The following CD96 variants were observed in gnomAD, a reference collection of about 807,000 sequenced individuals.
CD96 encodes the protein CD96 molecule, also known as T-cell surface protein tactile.
A neutral mutation model predicts 71.3 loss-of-function variants in CD96; 70 were observed. The ratio of observed to expected loss-of-function variants is 0.98; its 90% CI spans 0.81 to 1.20. CD96 has a LOEUF of 1.20. Ranked by LOEUF, CD96 falls within the 50% of genes most tolerant of loss-of-function variation. The pLI, the probability that CD96 is intolerant of heterozygous loss-of-function variation, is 0.00. For missense variants in CD96, 742 were observed against 677.5 expected, an observed-to-expected ratio of 1.10 and a Z score of -1.06; for synonymous variants, 248 against 233.0, an observed-to-expected ratio of 1.06 and a Z score of -0.59.
chr3:111,621,519 TA>T (rs1269248751), intron 8 of CD96, among the ~76,000 whole-genome samples: 27 of 152,220 alleles, frequency 1.8e-4, no homozygotes, highest in African/African-American at 6.3e-4. Flanking sequence ...GAAGTAACTT[TA>T]AAAATACATA....
intron 3 of CD96, among the ~76,000 whole-genome samples, chr3:111,573,561 G>A (rs1175219316): frequency 6.6e-6 from 1 of 151,958 alleles, no homozygotes; most frequent in Non-Finnish European, 1.5e-5. Context: ...TAGTGCAGAC[G>A]GGAAAATGCA....
At chr3:111,542,357 C>A (rs138858332) in intron 1 of CD96, 48 bp downstream of exon 1, 2 of 1,335,302 alleles carry the variant, frequency 1.5e-6, no homozygotes, top group South Asian at 2.3e-5. Flanking sequence ...GCTTTAGGGG[C>A]GGATGGGGCC....
intron 2 of CD96, among the ~76,000 whole-genome samples, chr3:111,553,328 A>T (rs929615825): frequency 1.2e-4 from 18 of 151,886 alleles, no homozygotes; most frequent in African/African-American, 3.4e-4. Flanking sequence ...TTTTGCTCTT[A>T]TAGTCCCATA....
chr3:111,566,171 T>G (rs1576326314), intron 2 of CD96, among the ~76,000 whole-genome samples: 1 of 151,546 alleles, frequency 6.6e-6, no homozygotes, highest in Non-Finnish European at 1.5e-5. Flanking sequence ...TTATACCGTT[T>G]TATAACATAT....
chr3:111,635,190 A>G (rs890877964), intron 10 of CD96: 4 of 153,034 alleles, frequency 2.6e-5, no homozygotes, highest in Non-Finnish European at 4.4e-5. Flanking sequence ...ATTTTTTATA[A>G]TATCTTTCTG....
chr3:111,602,446 A>T (rs1012768329), intron 7 of CD96, among the ~76,000 whole-genome samples: 2 of 152,172 alleles, frequency 1.3e-5, no homozygotes, highest in African/African-American at 4.8e-5. Context: ...CAGGTGGTTA[A>T]TTTTAAATTG....
intron 11 of CD96, among the ~76,000 whole-genome samples, chr3:111,637,626 G>A (rs1489334580): frequency 3.3e-5 from 5 of 152,016 alleles, no homozygotes; most frequent in African/African-American, 9.7e-5. Flanking sequence ...AAACACATCG[G>A]TGTGGAGAGA....
At chr3:111,578,727 C>T (rs1006618558) in intron 3 of CD96, among the ~76,000 whole-genome samples, 15 of 152,130 alleles carry the variant, frequency 9.9e-5, no homozygotes, top group Non-Finnish European at 2.1e-4. Context: ...TGCCATTAGT[C>T]CTGCCCATTC....
chr3:111,574,844 A>G (rs1305912315), intron 3 of CD96, among the ~76,000 whole-genome samples: 2 of 151,654 alleles, frequency 1.3e-5, no homozygotes, highest in Non-Finnish European at 1.5e-5. Context: ...GTGCAGTGAC[A>G]TAATCTTGGC....
At chr3:111,562,497 T>C (rs192370776) in intron 2 of CD96, among the ~76,000 whole-genome samples, 4 of 152,104 alleles carry the variant, frequency 2.6e-5, no homozygotes, top group Admixed American at 6.5e-5. Context: ...TTAAATTGAA[T>C]GTCTCCTTTG....
intron 14 of CD96, among the ~76,000 whole-genome samples, chr3:111,657,640 TTGGG>T (rs1940265384): frequency 6.6e-6 from 1 of 152,142 alleles, no homozygotes; most frequent in South Asian, 2.1e-4. Context: ...TGTGTTGTCA[TTGGG>T]TGCCCAGGTT....
chr3:111,650,142 A>G lies in CD96; in HGVS notation c.*336A>G. On this transcript the variant is annotated 3_prime_UTR_variant, in exon 14 of 14. Coordinates refer to ENST00000352690, the MANE Select transcript of CD96 (RefSeq NM_005816.5). The stretch of plus-strand genomic sequence containing the variant: ...TGATGGAGGGACAACAATGGTTTCA[A>G]CTGTATGCCCATGCCTGATCCTCTT... 1 of 338,506 alleles carries G rather than the reference A, an allele frequency of 3.0e-6. No homozygotes were observed. Among genetic ancestry groups the G allele is most frequent in the Non-Finnish European group, 5.8e-6 (1 of 173,186 alleles). The allele number at this position is 338,506 out of a possible 1,614,324, so 21.0% of individuals were successfully genotyped here.
At chr3:111,640,398 C>G (rs546218465) in intron 12 of CD96, among the ~76,000 whole-genome samples, 27 of 151,976 alleles carry the variant, frequency 1.8e-4, no homozygotes, top group Non-Finnish European at 3.5e-4. Context: ...ATTCAGAGCT[C>G]AAAAGCAAGA....
intron 4 of CD96, chr3:111,579,520 T>C (rs1227315326): frequency 2.0e-5 from 9 of 452,876 alleles, no homozygotes; most frequent in Non-Finnish European, 8.2e-6. Context: ...GAGTAATTTG[T>C]AAAGAAAAGG....
chr3:111,599,144 A>G (rs111347832), intron 6 of CD96, among the ~76,000 whole-genome samples: 48 of 151,392 alleles, frequency 3.2e-4, no homozygotes, highest in African/African-American at 1.0e-3. Flanking sequence ...AATTTTTTGT[A>G]TTTTTAGATG....
intron 8 of CD96, among the ~76,000 whole-genome samples, chr3:111,607,390 C>A (rs888685405): frequency 3.9e-5 from 6 of 152,118 alleles, no homozygotes; most frequent in Admixed American, 2.6e-4. Context: ...CCATCTGAGG[C>A]ATCATTAATA....
chr3:111,562,130 C>T lies in CD96; in HGVS notation c.419-5393C>T, dbSNP rs570952340. Among the ~76,000 whole-genome samples the T allele has an allele frequency of 2.2e-4, 34 of 152,340 alleles. No individual in the cohort carries two copies. The South Asian group carries it at 6.8e-3, about 31-fold the overall frequency. On this transcript the variant is annotated intron_variant, in intron 2 of 13. Coordinates refer to ENST00000352690, the MANE Select transcript of CD96 (RefSeq NM_005816.5). ...GTCTGGCGCTCCCTAGTGAGATGAACCCAGTACCTCAGATGGAAATGCAGA... is the reference window on the plus strand; with the variant it reads ...GTCTGGCGCTCCCTAGTGAGATGAATCCAGTACCTCAGATGGAAATGCAGA...
intron 12 of CD96, among the ~76,000 whole-genome samples, chr3:111,643,592 T>C (rs1576428395): frequency 6.6e-6 from 1 of 152,128 alleles, no homozygotes; most frequent in Non-Finnish European, 1.5e-5. Context: ...AGGACTCCTC[T>C]AGAAAGCTCC....
At chr3:111,608,166 C>G (rs1047102921) in intron 8 of CD96, among the ~76,000 whole-genome samples, 3 of 141,724 alleles carry the variant, frequency 2.1e-5, no homozygotes, top group African/African-American at 7.7e-5. Flanking sequence ...CTTCTAAGCT[C>G]TAGCATATAG....
Sources: gnomAD v4.1 joint callset for allele counts (sites outside exome capture counted in the v4.1 genomes callset) on GRCh38, gnomAD v4.1.1 for gene constraint, MANE v1.5 for transcripts, NCBI Gene and HGNC (gene_info 2026-07-23, HGNC 2026-07-21) for gene names.